Variants in PDHX observed in about 807,000 individuals in gnomAD.
PDHX encodes pyruvate dehydrogenase complex component X.
In PDHX, 33 loss-of-function variants were observed where a neutral mutation model predicts 55.3. The observed-to-expected ratio is 0.60, with a 90% CI of 0.45 to 0.80. The LOEUF is 0.80. Ranked by LOEUF, PDHX falls within the 30% of genes least tolerant of loss-of-function variation. The probability of loss-of-function intolerance (pLI) is 0.00; values close to 1 mark genes in which losing one functional copy is unlikely to be tolerated. For missense variants in PDHX, 622 were observed against 619.9 expected, an observed-to-expected ratio of 1.00 and a Z score of -0.04; for synonymous variants, 226 against 219.4, an observed-to-expected ratio of 1.03 and a Z score of -0.27.
At chr11:34,944,079 ATGTG>A (rs3980628) in intron 2 of PDHX, among the ~76,000 whole-genome samples, 87,608 of 147,606 alleles carry the variant, frequency 0.59, 27,161 homozygotes, top group East Asian at 0.74. Flanking sequence ...TAATACAAAT[ATGTG>A]TGTGTGTGTG....
intron 2 of PDHX, among the ~76,000 whole-genome samples, chr11:34,935,254 A>G (rs1040056023): frequency 1.3e-5 from 2 of 152,156 alleles, no homozygotes; most frequent in African/African-American, 4.8e-5. Context: ...GTACCAGATG[A>G]ATTGGAATGT....
intron 1 of PDHX, among the ~76,000 whole-genome samples, chr11:34,929,045 T>C (rs953433209): frequency 6.6e-6 from 1 of 152,196 alleles, no homozygotes; most frequent in African/African-American, 2.4e-5. Flanking sequence ...GCTACAGTTA[T>C]TGAGAGTCAT....
intron 8 of PDHX, among the ~76,000 whole-genome samples, chr11:34,979,521 A>G (rs1157265172): frequency 6.6e-6 from 1 of 152,190 alleles, no homozygotes; most frequent in East Asian, 1.9e-4. Context: ...TGAAAAATAC[A>G]TTAATGAGGG....
At chr11:34,991,120 TTAAC>T (rs1855747848) in intron 9 of PDHX, among the ~76,000 whole-genome samples, 1 of 152,158 alleles carries the variant, frequency 6.6e-6, no homozygotes, top group African/African-American at 2.4e-5. Context: ...AGAGGAAAAT[TTAAC>T]TAATATGTCA....
chr11:34,984,991 G>A (rs1267623885), intron 9 of PDHX: 1 of 376,354 alleles, frequency 2.7e-6, no homozygotes, highest in African/African-American at 2.1e-5. Context: ...CTAAAGACAA[G>A]CTTTATTTTC....
chr11:34,995,364 A>G lies in PDHX; in HGVS notation c.*192A>G. On this transcript the variant is annotated 3_prime_UTR_variant, in exon 11 of 11. Coordinates refer to ENST00000227868, the MANE Select transcript of PDHX (RefSeq NM_003477.3). ...TTTAATGTTATAGAAATAAATGATG[A>G]TAAACTCTAACTAATAAAGGAAAGA... is the stretch of plus-strand genomic sequence containing the variant. 1 of 582,044 alleles carries G rather than the reference A, an allele frequency of 1.7e-6. No individual in the cohort carries two copies. Among genetic ancestry groups the G allele is most frequent in the Admixed American group, 2.8e-5 (1 of 35,092 alleles). The allele number at this position is 582,044 out of a possible 1,614,324, so 36.1% of individuals were successfully genotyped here. A position where few individuals can be genotyped will look rare whatever the true frequency, so the allele number is the denominator to read the frequency against.
At chr11:34,972,627 G>A (rs139372422) in intron 7 of PDHX, among the ~76,000 whole-genome samples, 49 of 152,098 alleles carry the variant, frequency 3.2e-4, no homozygotes, top group African/African-American at 1.2e-3. Context: ...TCAAACTCCT[G>A]GCCTCAAGTG....
chr11:34,932,556 G>C (rs971372818), intron 2 of PDHX, among the ~76,000 whole-genome samples: 1 of 152,178 alleles, frequency 6.6e-6, no homozygotes, highest in African/African-American at 2.4e-5. Context: ...TATATTGACA[G>C]TACTTAAAAA....
intron 1 of PDHX, among the ~76,000 whole-genome samples, chr11:34,921,073 A>G (rs150037716): frequency 2.0e-5 from 3 of 152,328 alleles, no homozygotes; most frequent in Non-Finnish European, 4.4e-5. Flanking sequence ...TTATACACTG[A>G]TAAGATTGAT....
upstream of PDHX, chr11:34,916,567 T>C (rs1184525291): frequency 6.4e-7 from 1 of 1,556,886 alleles, no homozygotes; most frequent in Admixed American, 1.8e-5. Context: ...ACCGCTAGCG[T>C]CTGGGGGCGT....
intron 8 of PDHX, among the ~76,000 whole-genome samples, chr11:34,981,751 GTGA>G (rs201188666): frequency 0.047 from 7,152 of 152,204 alleles, 527 homozygotes; most frequent in African/African-American, 0.16. Flanking sequence ...TTGATGACTA[GTGA>G]TGATGAGCAT....
intron 7 of PDHX, among the ~76,000 whole-genome samples, chr11:34,970,650 A>C (rs1214154946): frequency 6.6e-6 from 1 of 152,226 alleles, no homozygotes; most frequent in Non-Finnish European, 1.5e-5. Flanking sequence ...AGCTTTAAAA[A>C]TACAGGTTGA....
At chr11:34,925,425 C>T (rs568951899) in intron 1 of PDHX, among the ~76,000 whole-genome samples, 5 of 152,178 alleles carry the variant, frequency 3.3e-5, no homozygotes, top group Non-Finnish European at 7.4e-5. Flanking sequence ...TATTACGTAT[C>T]TATTTACTTT....
intron 1 of PDHX, among the ~76,000 whole-genome samples, chr11:34,920,527 A>G (rs551161873): frequency 6.6e-6 from 1 of 152,188 alleles, no homozygotes; most frequent in Non-Finnish European, 1.5e-5. Flanking sequence ...TTATGGCAAA[A>G]TTTTAAAATC....
intron 2 of PDHX, among the ~76,000 whole-genome samples, chr11:34,943,234 C>A (rs1044777382): frequency 6.6e-6 from 1 of 152,128 alleles, no homozygotes; most frequent in African/African-American, 2.4e-5. Context: ...AGTAATATAA[C>A]ATTTTATATG....
chr11:34,937,608 C>G (rs1307371894), intron 2 of PDHX, among the ~76,000 whole-genome samples: 1 of 152,090 alleles, frequency 6.6e-6, no homozygotes, highest in African/African-American at 2.4e-5. Flanking sequence ...GGAGTGAAGT[C>G]TGACTTGGAG....
At chr11:34,930,268 G>A (rs1854124954) in intron 1 of PDHX, among the ~76,000 whole-genome samples, 3 of 152,200 alleles carry the variant, frequency 2.0e-5, no homozygotes, top group South Asian at 2.1e-4. Context: ...AAGGAAAAGT[G>A]GAGAGGTACA....
chr11:34,938,047 T>C (rs1173492099), intron 2 of PDHX, among the ~76,000 whole-genome samples: 1 of 152,154 alleles, frequency 6.6e-6, no homozygotes, highest in East Asian at 1.9e-4. Flanking sequence ...TAAACAGAAC[T>C]TCTAGTAATG....
upstream of PDHX, chr11:34,915,966 T>C (rs1853671320): frequency 1.7e-6 from 1 of 571,538 alleles, no homozygotes; most frequent in Non-Finnish European, 3.1e-6. Flanking sequence ...CTCTCCTCTC[T>C]CAGTTATTTG....
Sources: allele counts gnomAD v4.1 joint callset (sites outside exome capture counted in the v4.1 genomes callset), GRCh38; gene constraint gnomAD v4.1.1; transcripts MANE v1.5; gene names NCBI Gene and HGNC (gene_info 2026-07-23, HGNC 2026-07-21).